The following SLC12A3 variants were observed in gnomAD, a reference collection of about 807,000 sequenced individuals.
The protein encoded by SLC12A3 is solute carrier family 12 member 3, also known as Na-Cl cotransporter.
Under a neutral mutation model 121.0 loss-of-function variants are expected in SLC12A3, and 104 were observed. The observed-to-expected ratio is 0.86, with a 90% confidence interval of 0.73 to 1.01. SLC12A3 has a LOEUF of 1.01. Among genes scored for constraint, SLC12A3 ranks in the 50% least tolerant of loss-of-function variants. The pLI is 0.00. For missense variants in SLC12A3, 1,328 were observed against 1,356.3 expected (o/e 0.98, Z 0.33); for synonymous variants, 536 against 533.4 (o/e 1.00, Z -0.07).
At chr16:56,897,787 G>A (rs1219774259) in intron 22 of SLC12A3, among the ~76,000 whole-genome samples, 1 of 152,150 alleles carries the variant, frequency 6.6e-6, no homozygotes, top group Non-Finnish European at 1.5e-5. Flanking sequence ...GTCCCTTGGT[G>A]GGCCGCATCC....
chr16:56,908,701 A>G (rs1418871585), intron 25 of SLC12A3, among the ~76,000 whole-genome samples: 1 of 152,118 alleles, frequency 6.6e-6, no homozygotes, highest in Non-Finnish European at 1.5e-5. Flanking sequence ...TTGTACAAAG[A>G]AAGTGCCCCG....
At chr16:56,866,996 G>A in intron 1 of SLC12A3, 74 bp from the exon 2 acceptor site, 1 of 1,588,380 alleles carries the variant, frequency 6.3e-7, no homozygotes, top group Non-Finnish European at 8.5e-7. Context: ...CAGTGGTGCA[G>A]GTCAGTGGGC....
At chr16:56,896,473 A>C (rs760827724) in intron 22 of SLC12A3, among the ~76,000 whole-genome samples, 2 of 152,238 alleles carry the variant, frequency 1.3e-5, no homozygotes, top group Non-Finnish European at 2.9e-5. Flanking sequence ...GGCTGGGCAC[A>C]GTGGCTCTGC....
intron 22 of SLC12A3, among the ~76,000 whole-genome samples, chr16:56,898,117 TCCCTAACCAGG>T (rs1363560821): frequency 6.6e-6 from 1 of 152,142 alleles, no homozygotes; most frequent in Admixed American, 6.5e-5. Flanking sequence ...AGTCCAGTGG[TCCCTAACCAGG>T]CTGGCACATC....
At position 56,902,290 on chromosome 16, in the gene SLC12A3, C is replaced by G. The variant is rs987127122; in HGVS notation, c.2721-83C>G. Reference sequence around the variant, plus strand: ...CCTGAAAATGGGAGCTGTGGCAACACTGCCAGCTCCCCGCAGGGACCTGGC... The same window carrying G: ...CCTGAAAATGGGAGCTGTGGCAACAGTGCCAGCTCCCCGCAGGGACCTGGC... On this transcript the variant is annotated intron_variant, in intron 23 of 25. Coordinates refer to ENST00000563236, the MANE Select transcript of SLC12A3 (RefSeq NM_001126108.2). The G allele has an allele frequency of 2.6e-6, 4 of 1,564,678 alleles. No homozygotes were observed. In the African/African-American group the frequency reaches 5.4e-5, roughly 21 times the overall value.
intron 18 of SLC12A3, among the ~76,000 whole-genome samples, chr16:56,889,873 C>T (rs1344996308): frequency 2.0e-5 from 3 of 152,204 alleles, no homozygotes; most frequent in African/African-American, 4.8e-5. Flanking sequence ...ATTCTAATCC[C>T]AGCTGCTCAC....
chr16:56,898,666 C>A (rs1000030183), intron 22 of SLC12A3, among the ~76,000 whole-genome samples: 2 of 152,142 alleles, frequency 1.3e-5, no homozygotes, highest in African/African-American at 2.4e-5. Context: ...CCAGCCAGAC[C>A]GCCACCTCTG....
intron 3 of SLC12A3, 74 bp from the exon 4 acceptor site, chr16:56,869,655 A>C (rs1034668763): frequency 6.0e-6 from 7 of 1,172,732 alleles, no homozygotes; most frequent in Admixed American, 5.2e-5. Context: ...CGTAGGTCGC[A>C]TGGTGAATGA....
chr16:56,879,060 T>C lies in SLC12A3; in HGVS notation c.1181-13T>C, dbSNP rs758685543. ...GAAGGCAGACCTCCCCATGCTCTCC[T>C]TCCTCCTCTCAGGCTCCTGCGTGGT... On this transcript the variant is annotated splice_polypyrimidine_tract_variant and intron_variant, in intron 9 of 25. Coordinates refer to ENST00000563236, the MANE Select transcript of SLC12A3 (RefSeq NM_001126108.2). 6 of 1,601,806 alleles carry C rather than the reference T, an allele frequency of 3.7e-6. No homozygotes were observed. The Admixed American group carries it at 6.9e-5, about 18-fold the overall frequency.
intron 24 of SLC12A3, among the ~76,000 whole-genome samples, chr16:56,903,851 A>G (rs1250594577): frequency 1.3e-5 from 2 of 152,328 alleles, no homozygotes; most frequent in East Asian, 3.9e-4. Context: ...AAAATGCTGA[A>G]TAAAACATTG....
rs575647478 is a variant in SLC12A3 at position 56,903,810 on chromosome 16, A to G, written c.2857-585A>G. 2.2e-4 allele frequency among the ~76,000 whole-genome samples: 34 copies of G among 152,284 alleles called. 3 individuals carry two copies. In the South Asian group the frequency reaches 5.4e-3, roughly 24 times the overall value. ...TCTGTCAGCCCCGAGACCCTGCCCC[A>G]AAGGGCCCATGCAGCCATCTGGCTC... On this transcript the variant is annotated intron_variant, in intron 24 of 25. Transcript: ENST00000563236.
chr16:56,913,287 GGAAGT>G lies in SLC12A3; in HGVS notation c.2950_2954del (p.Lys984ProfsTer53). ...AGCACTTTGCCCATAGGGAGGAAGG[GGAAGT>G]GCCCCAGCTCGCTGTACATGGCCTG... On this transcript the variant is annotated frameshift_variant, in exon 26 of 26. Coordinates refer to ENST00000563236, the MANE Select transcript of SLC12A3 (RefSeq NM_001126108.2). LOFTEE classifies it high-confidence loss of function. 6.2e-7 allele frequency: 1 copy of G among 1,614,186 alleles called. No individual in the cohort carries two copies. The highest frequency in any genetic ancestry group is 8.5e-7 in the Non-Finnish European group (1 of 1,180,038).
At chr16:56,900,473 A>T (rs1055929687) in intron 23 of SLC12A3, among the ~76,000 whole-genome samples, 1 of 152,182 alleles carries the variant, frequency 6.6e-6, no homozygotes, top group Non-Finnish European at 1.5e-5. Context: ...TCTTCCAGGA[A>T]GAAGAGACAG....
chr16:56,886,363 GC>G lies in SLC12A3; in HGVS notation c.1930del (p.Gln644SerfsTer28), dbSNP rs779215330. 1.2e-5 allele frequency: 19 copies of G among 1,611,344 alleles called. No homozygotes were observed. Among genetic ancestry groups the G allele is most frequent in the East Asian group, 6.7e-5 (3 of 44,876 alleles). On this transcript the variant is annotated frameshift_variant and splice_region_variant, in exon 16 of 26. Coordinates refer to ENST00000563236, the MANE Select transcript of SLC12A3 (RefSeq NM_001126108.2). LOFTEE classifies it high-confidence loss of function. Reference sequence around the variant, plus strand: ...CCTGCCCTTTTCCCTTCCCTCCTCAGCCCCCAGTGCCTGGTGCTCACGGGGC... The same window carrying G: ...CCTGCCCTTTTCCCTTCCCTCCTCAGCCCCAGTGCCTGGTGCTCACGGGGC... ...NEVEDHIKNYRPQCLVLTGPP... is the reference protein window; with the variant it reads ...NEVEDHIKNYXPQCLVLTGPP...
intron 24 of SLC12A3, among the ~76,000 whole-genome samples, chr16:56,903,248 G>GC (rs1384609477): frequency 6.6e-6 from 1 of 152,070 alleles, no homozygotes; most frequent in East Asian, 1.9e-4. Flanking sequence ...GAGCTATGGT[G>GC]CCCCTTCCTG....
rs774100756 is a variant in SLC12A3, at chr16:56,884,098, G to A, written c.1719G>A (p.Gly573=). The part of the protein sequence containing the change: ...QYYNKWAALF[G]AIISVVIMFL... ...ACAACAAGTGGGCGGCGCTGTTTGG[G>A]GCTATCATCTCCGTGGTCATCATGT... Residue 573 remains glycine, a synonymous_variant, in exon 14 of 26, where the codon GGG becomes GGA. Transcript: ENST00000563236. The A allele has an allele frequency of 6.2e-6, 10 of 1,614,196 alleles. No individual in the cohort carries two copies. In the East Asian group the frequency reaches 1.3e-4, roughly 22 times the overall value.
intron 16 of SLC12A3, 145 bp from the exon 17 acceptor site, chr16:56,886,808 T>G: frequency 2.8e-6 from 3 of 1,074,566 alleles, no homozygotes; most frequent in Non-Finnish European, 4.1e-6. Flanking sequence ...CCCCACTCCT[T>G]GTGTTTTCCC....
In SLC12A3 at chr16:56,894,569, A is replaced by G. The variant is rs2055436479; in HGVS notation, c.2560A>G (p.Arg854Gly). The change falls in exon 22 of 26, where the codon AGG becomes GGG. Residue 854 changes from arginine (R) to glycine (G), a missense_variant. By Grantham distance (125) the Arg-to-Gly change is moderately radical (BLOSUM62 -2). Coordinates refer to ENST00000563236, the MANE Select transcript of SLC12A3 (RefSeq NM_001126108.2). ...LLIPYLLGRK[R>G]RWSKCKIRVF... ...CATTCCCTATCTCCTTGGCCGCAAG[A>G]GGAGGTGGAGCAAATGCAAGATCCG... is the stretch of plus-strand genomic sequence containing the variant. The G allele has an allele frequency of 6.2e-7, 1 of 1,613,934 alleles. No individual in the cohort carries two copies. Among genetic ancestry groups the G allele is most frequent in the African/African-American group, 1.3e-5 (1 of 74,902 alleles).
At chr16:56,892,804 C>A in intron 20 of SLC12A3, 149 bp from the exon 21 acceptor site, 1 of 670,526 alleles carries the variant, frequency 1.5e-6, no homozygotes. Flanking sequence ...GGGCACATCA[C>A]AGCACTGAGC....
Sources: allele counts gnomAD v4.1 joint callset (sites outside exome capture counted in the v4.1 genomes callset), GRCh38; gene constraint gnomAD v4.1.1; transcripts MANE v1.5; gene names NCBI Gene and HGNC (gene_info 2026-07-23, HGNC 2026-07-21).